Variants in TEX15 observed in about 807,000 individuals in gnomAD.
TEX15 encodes the protein testis expressed 15, meiosis and synapsis associated.
Under a neutral mutation model 237.3 loss-of-function variants are expected in TEX15, and 171 were observed. That is an observed-to-expected ratio of 0.72 (90% CI 0.64 to 0.82). The LOEUF (loss-of-function observed/expected upper bound fraction) is 0.82, where lower values mean the gene tolerates loss of function less well. Ranked by LOEUF, TEX15 falls within the 40% of genes least tolerant of loss-of-function variation. The pLI, the probability that TEX15 is intolerant of heterozygous loss-of-function variation, is 0.00. For missense variants in TEX15, 3,750 were observed against 3,646.5 expected (o/e 1.03, Z -0.73); for synonymous variants, 1,338 against 1,269.8 (o/e 1.05, Z -1.14).
In TEX15 at chr8:30,867,413, A is replaced by G; in HGVS notation, c.392T>C (p.Ile131Thr). ...TCTGGTACTTATTCCATTCTGATAT[A>G]TCTGGGCTACATCACTCTGGGGAAG... Reference protein sequence around the residue: ...LALPQSDVAQIYQNGISTRAS... With the variant: ...LALPQSDVAQTYQNGISTRAS... The change falls in exon 5 of 11, where the codon ATA (isoleucine) becomes ACA (threonine). Residue 131 changes from isoleucine to threonine, a missense_variant. By Grantham distance (89) the Ile-to-Thr change is moderately conservative. Transcript: ENST00000643185. 1 of 1,534,704 alleles carries G rather than the reference A, an allele frequency of 6.5e-7. No homozygotes were observed. Among genetic ancestry groups the G allele is most frequent in the Non-Finnish European group, 8.7e-7 (1 of 1,145,870 alleles).
chr8:30,847,966 T>A lies in TEX15; in HGVS notation c.2201A>T (p.Asn734Ile). 2 of 1,614,000 alleles carry A rather than the reference T, an allele frequency of 1.2e-6. No homozygotes were observed. The highest frequency in any genetic ancestry group is 1.7e-6 in the Non-Finnish European group (2 of 1,179,948). Residue 734 changes from asparagine to isoleucine, a missense_variant, in exon 8 of 11, where the codon AAC (asparagine) becomes ATC (isoleucine). Transcript: ENST00000643185. ...AGCAATGGCTAAACTTGTATGAATGTTACCCTCATACTCCACAGAGTGCTG... is the reference window on the plus strand; with the variant it reads ...AGCAATGGCTAAACTTGTATGAATGATACCCTCATACTCCACAGAGTGCTG... ...HPQHSVEYEGNIHTSLAIAQK... is the reference protein window; with the variant it reads ...HPQHSVEYEGIIHTSLAIAQK...
intron 2 of TEX15, among the ~76,000 whole-genome samples, chr8:30,889,285 T>C (rs2128776493): frequency 6.6e-6 from 1 of 152,208 alleles, no homozygotes; most frequent in South Asian, 2.1e-4. Context: ...ACTCCGTCTC[T>C]ACTAAAAATA....
At chr8:30,895,511 A>G (rs868115356) in intron 2 of TEX15, among the ~76,000 whole-genome samples, 1 of 151,130 alleles carries the variant, frequency 6.6e-6, no homozygotes, top group South Asian at 2.1e-4. Flanking sequence ...AATGTTGCTG[A>G]CCTTTCTCTG....
In TEX15 at chr8:30,837,226, G is replaced by A. The variant is rs753287640; in HGVS notation, c.9058C>T (p.Pro3020Ser). ...QNAATYWNELPQSACNPTYNS... is the reference protein window; with the variant it reads ...QNAATYWNELSQSACNPTYNS... ...TATGTTGGGTTACATGCAGACTGTG[G>A]AAGTTCATTCCAATATGTGGCAGCA... is the stretch of plus-strand genomic sequence containing the variant. Residue 3020 changes from proline to serine, a missense_variant, in exon 10 of 11, where the codon CCA becomes TCA. Transcript: ENST00000643185. 2.5e-6 allele frequency: 4 copies of A among 1,614,140 alleles called. No individual in the cohort carries two copies. The highest frequency in any genetic ancestry group is 3.4e-6 in the Non-Finnish European group (4 of 1,180,020).
At chr8:30,902,036 T>C (rs1226145793) in intron 1 of TEX15, among the ~76,000 whole-genome samples, 4 of 152,108 alleles carry the variant, frequency 2.6e-5, no homozygotes, top group African/African-American at 7.2e-5. Context: ...CCTGGGAACT[T>C]GTTGGCAATG....
intron 3 of TEX15, among the ~76,000 whole-genome samples, chr8:30,885,475 G>A (rs1212684384): frequency 2.6e-5 from 4 of 152,186 alleles, no homozygotes; most frequent in African/African-American, 7.2e-5. Context: ...CCCCAGCCAC[G>A]TGGAACTGTA....
intron 7 of TEX15, among the ~76,000 whole-genome samples, chr8:30,857,519 C>T (rs1174466569): frequency 6.6e-6 from 1 of 152,054 alleles, no homozygotes; most frequent in Non-Finnish European, 1.5e-5. Flanking sequence ...ATACAACTGA[C>T]CCAAGAGCCA....
rs763936265 is a variant in TEX15 at position 30,843,243 on chromosome 8, A to AACT, written c.6923_6924insAGT (p.Phe2308delinsLeuVal). 5.0e-6 allele frequency: 8 copies of AACT among 1,613,266 alleles called. 1 individual carries two copies. In the South Asian group the frequency reaches 8.8e-5, roughly 18 times the overall value. ...TATCATATATCTTCTGCAACTTAGA[A>AACT]AAGGCACATTTATTCACTCTGAGTA... is the stretch of plus-strand genomic sequence containing the variant. On this transcript the variant is annotated protein_altering_variant, in exon 8 of 11. Transcript: ENST00000643185.
chr8:30,902,208 T>A (rs192054240), intron 1 of TEX15, among the ~76,000 whole-genome samples: 5 of 151,878 alleles, frequency 3.3e-5, no homozygotes, highest in Non-Finnish European at 7.4e-5. Context: ...ATAAGAACTA[T>A]TTTTTCCTTT....
chr8:30,856,282 G>A (rs1460552415), intron 7 of TEX15, among the ~76,000 whole-genome samples: 3 of 151,846 alleles, frequency 2.0e-5, no homozygotes, highest in South Asian at 2.1e-4. Flanking sequence ...GGCAGGGTTC[G>A]GTGGCTCACG....
At chr8:30,878,991 T>A (rs888611398) in intron 3 of TEX15, among the ~76,000 whole-genome samples, 2 of 152,226 alleles carry the variant, frequency 1.3e-5, no homozygotes, top group Non-Finnish European at 2.9e-5. Flanking sequence ...TATAGTTACA[T>A]CTCATTGTGG....
At chr8:30,870,653 C>T (rs1407772424) in intron 4 of TEX15, among the ~76,000 whole-genome samples, 2 of 151,882 alleles carry the variant, frequency 1.3e-5, no homozygotes, top group African/African-American at 4.8e-5. Context: ...AACTCAGTAT[C>T]CAGCTGGCCC....
At chr8:30,891,593 G>A (rs1808796959) in intron 2 of TEX15, among the ~76,000 whole-genome samples, 1 of 151,516 alleles carries the variant, frequency 6.6e-6, no homozygotes, top group South Asian at 2.1e-4. Context: ...GATTCTCCTG[G>A]CTCAGCCTCC....
Position 30,867,245 on chromosome 8 carries a change from ATTTGT to A in TEX15, c.540+15_540+19del. The A allele has an allele frequency of 1.6e-6, 2 of 1,213,536 alleles. No individual in the cohort carries two copies. The highest frequency in any genetic ancestry group is 2.3e-6 in the Non-Finnish European group (2 of 857,476). The allele number at this position is 1,213,536 out of a possible 1,614,324, so 75.2% of individuals were successfully genotyped here. A position where few individuals can be genotyped will look rare whatever the true frequency, so the allele number is the denominator to read the frequency against. On this transcript the variant is annotated intron_variant, in intron 5 of 10. Transcript: ENST00000643185. ...AAAGCAAACTGTCCATATACTTAAT[ATTTGT>A]TTTATGATACCTACCTTAAAAATTA...
At chr8:30,899,818 T>A (rs1314901343) in intron 1 of TEX15, among the ~76,000 whole-genome samples, 7 of 152,206 alleles carry the variant, frequency 4.6e-5, no homozygotes. Flanking sequence ...AACAGAAAAC[T>A]ATAATTAGCC....
At chr8:30,879,430 A>G (rs1373543389) in intron 3 of TEX15, among the ~76,000 whole-genome samples, 1 of 152,218 alleles carries the variant, frequency 6.6e-6, no homozygotes, top group Non-Finnish European at 1.5e-5. Context: ...TTTAAGCCCA[A>G]GGTTCATTCG....
chr8:30,869,433 C>A (rs1808244227), intron 4 of TEX15, among the ~76,000 whole-genome samples: 1 of 151,966 alleles, frequency 6.6e-6, no homozygotes, highest in Non-Finnish European at 1.5e-5. Flanking sequence ...ACAAGACCAG[C>A]TGAAATCATT....
At position 30,836,936 on chromosome 8, in the gene TEX15, A is replaced by G; in HGVS notation, c.9348T>C (p.Phe3116=). The part of the protein sequence containing the change: ...ANGFVPVNGY[F]QSQIPASNFR... ...AATTAGAAGCAGGTATTTGAGATTGAAAATACCCATTCACTGGCACAAAGC... is the reference window on the plus strand; with the variant it reads ...AATTAGAAGCAGGTATTTGAGATTGGAAATACCCATTCACTGGCACAAAGC... Residue 3116 remains phenylalanine, a synonymous_variant, in exon 10 of 11, where the codon TTT becomes TTC. Coordinates refer to ENST00000643185, the MANE Select transcript of TEX15 (RefSeq NM_001350162.2). 1 of 1,614,216 alleles carries G rather than the reference A, an allele frequency of 6.2e-7. No homozygotes were observed.
chr8:30,861,457 G>A (rs954177615), intron 5 of TEX15, among the ~76,000 whole-genome samples: 111 of 152,174 alleles, frequency 7.3e-4, no homozygotes, highest in African/African-American at 2.9e-4. Context: ...AGATTAGTAC[G>A]TTCATTCAAC....
Sources: allele counts gnomAD v4.1 joint callset (sites outside exome capture counted in the v4.1 genomes callset), GRCh38; gene constraint gnomAD v4.1.1; transcripts MANE v1.5; gene names NCBI Gene and HGNC (gene_info 2026-07-23, HGNC 2026-07-21).